The following ELMO1 variants were observed in gnomAD, a reference collection of about 807,000 sequenced individuals.
ELMO1 encodes engulfment and cell motility protein 1.
Under a neutral mutation model 98.9 loss-of-function variants are expected in ELMO1, and 26 were observed. The ratio of observed to expected loss-of-function variants is 0.26; its 90% confidence interval spans 0.19 to 0.36. The LOEUF is 0.36. Ranked by LOEUF, ELMO1 falls within the 10% of genes least tolerant of loss-of-function variation. The pLI is 1.00. For synonymous variants in ELMO1, 346 were observed against 346.0 expected, an observed-to-expected ratio of 1.00 and a Z score of 0.00; for missense variants, 627 against 935.2, an observed-to-expected ratio of 0.67 and a Z score of 4.30.
intron 15 of ELMO1, among the ~76,000 whole-genome samples, chr7:37,071,961 A>T (rs1797295691): frequency 6.6e-6 from 1 of 152,194 alleles, no homozygotes. Context: ...AAGGTTCAGG[A>T]GAGCTCTTCA....
intron 16 of ELMO1, among the ~76,000 whole-genome samples, chr7:36,951,696 T>A (rs548626311): frequency 6.0e-4 from 91 of 152,348 alleles, no homozygotes; most frequent in African/African-American, 2.0e-3. Context: ...CAAAATATGG[T>A]GCCCACTCCT....
chr7:37,124,658 A>G (rs1476190351), intron 14 of ELMO1, among the ~76,000 whole-genome samples: 2 of 152,238 alleles, frequency 1.3e-5, no homozygotes, highest in African/African-American at 4.8e-5. Context: ...ATGGAAGAAC[A>G]TTCCATGCTC....
At chr7:37,070,652 C>T (rs1332766155) in intron 15 of ELMO1, among the ~76,000 whole-genome samples, 1 of 152,152 alleles carries the variant, frequency 6.6e-6, no homozygotes, top group Admixed American at 6.5e-5. Context: ...CTTGTTTGGT[C>T]TGGCCATTCC....
At chr7:37,388,967 T>C (rs376740168) in intron 1 of ELMO1, among the ~76,000 whole-genome samples, 2 of 152,220 alleles carry the variant, frequency 1.3e-5, no homozygotes, top group African/African-American at 4.8e-5. Flanking sequence ...ATAATTTCCA[T>C]GTTTTTGAAG....
rs530235806 is a variant in ELMO1 at position 36,912,928 on chromosome 7, G to A, written c.1438-17911C>T. Among the ~76,000 whole-genome samples the A allele has an allele frequency of 1.2e-4, 19 of 152,248 alleles. No individual in the cohort carries two copies. In the South Asian group the frequency reaches 1.5e-3, roughly 12 times the overall value. Reference sequence around the variant, plus strand: ...CTGTTTTTCTGTATATGTATGGCACGTATCACTTCTACCTCCCACTATAAA... The same window carrying A: ...CTGTTTTTCTGTATATGTATGGCACATATCACTTCTACCTCCCACTATAAA... On this transcript the variant is annotated intron_variant, in intron 16 of 21. Coordinates refer to ENST00000310758, the MANE Select transcript of ELMO1 (RefSeq NM_014800.11).
At chr7:37,146,373 C>T (rs1306632187) in intron 13 of ELMO1, among the ~76,000 whole-genome samples, 1 of 152,206 alleles carries the variant, frequency 6.6e-6, no homozygotes, top group Non-Finnish European at 1.5e-5. Flanking sequence ...TCCAAAGCCA[C>T]ATTAACCAAA....
intron 2 of ELMO1, among the ~76,000 whole-genome samples, chr7:37,331,359 A>ATTTTTTTTTTTTTTTTTTTTTTTTTT: frequency 1.2e-5 from 1 of 81,438 alleles, no homozygotes; most frequent in Non-Finnish European, 2.3e-5. Context: ...TTTTTTTGGA[A>ATTTTTTTTTTTTTTTTTTTTTTTTTT]TTTTAGTAGA....
chr7:37,309,505 G>A (rs1410512228), intron 4 of ELMO1, among the ~76,000 whole-genome samples: 1 of 152,230 alleles, frequency 6.6e-6, no homozygotes, highest in Non-Finnish European at 1.5e-5. Flanking sequence ...CTGCTGGTGT[G>A]TCTTGCTGAG....
At chr7:37,395,072 T>C (rs1025940813) in intron 1 of ELMO1, among the ~76,000 whole-genome samples, 1 of 151,716 alleles carries the variant, frequency 6.6e-6, no homozygotes, top group Non-Finnish European at 1.5e-5. Flanking sequence ...GTTTTAAGAG[T>C]TGCTCATCCC....
intron 15 of ELMO1, among the ~76,000 whole-genome samples, chr7:37,096,402 T>G (rs924613486): frequency 6.6e-6 from 1 of 152,214 alleles, no homozygotes; most frequent in Non-Finnish European, 1.5e-5. Flanking sequence ...ATCTGCAAAT[T>G]TCTCCATTCC....
chr7:36,910,935 C>T (rs573772531), intron 16 of ELMO1, among the ~76,000 whole-genome samples: 1 of 152,108 alleles, frequency 6.6e-6, no homozygotes, highest in Non-Finnish European at 1.5e-5. Context: ...CTTGGACATC[C>T]TTATAACTTC....
intron 7 of ELMO1, 25 bp downstream of exon 7, chr7:37,244,331 A>T: frequency 6.2e-7 from 1 of 1,611,238 alleles, no homozygotes. Flanking sequence ...TAAATCATCA[A>T]TATCAATCGA....
At chr7:37,057,143 T>C (rs564093535) in intron 15 of ELMO1, among the ~76,000 whole-genome samples, 1 of 152,318 alleles carries the variant, frequency 6.6e-6, no homozygotes, top group South Asian at 2.1e-4. Context: ...CTAATCATTT[T>C]GTGGGAAATT....
Position 37,204,411 on chromosome 7 carries a change from G to T in ELMO1, c.1086+6975C>A, listed in dbSNP as rs944971524. The T allele has an allele frequency of 3.9e-4, 135 of 342,096 alleles. 3 individuals are homozygous for T. Among genetic ancestry groups the T allele is most frequent in the South Asian group, 3.0e-3 (132 of 44,322 alleles). The allele number at this position is 342,096 out of a possible 1,614,324, so 21.2% of individuals were successfully genotyped here. On this transcript the variant is annotated intron_variant, in intron 13 of 21. Coordinates refer to ENST00000310758, the MANE Select transcript of ELMO1 (RefSeq NM_014800.11). ...TCATAAAGGCGGCATGTCTGGAGTT[G>T]TTCATTCCTCCTGGTGGGTTCCTGG...
rs10669717 is a variant in ELMO1 at position 37,328,383 on chromosome 7, C to CAAAAAAAAAAA, written c.79-12434_79-12424dup. Among the ~76,000 whole-genome samples, 62 of 64,838 alleles carry CAAAAAAAAAAA rather than the reference C, an allele frequency of 9.6e-4. 3 individuals are homozygous for CAAAAAAAAAAA. The highest frequency in any genetic ancestry group is 1.3e-3 in the Non-Finnish European group (47 of 35,044). The allele number at this position is 64,838 out of a possible 152,430, so 42.5% of individuals were successfully genotyped here. ...TGGGCAACATAGGGAGACCCTGCCA[C>CAAAAAAAAAAA]AAAAAAAAAAAAAAAAAAAAAAAAA... On this transcript the variant is annotated intron_variant, in intron 2 of 21. Coordinates refer to ENST00000310758, the MANE Select transcript of ELMO1 (RefSeq NM_014800.11).
chr7:37,208,092 C>A lies in ELMO1; in HGVS notation c.1086+3294G>T, dbSNP rs568725043. Reference sequence around the variant, plus strand: ...CTTGTTGGCGCAATGGCCACTTTTACCTTGGAAAACTTAAAAGGCTGCAGA... The same window carrying A: ...CTTGTTGGCGCAATGGCCACTTTTAACTTGGAAAACTTAAAAGGCTGCAGA... On this transcript the variant is annotated intron_variant, in intron 13 of 21. Coordinates refer to ENST00000310758, the MANE Select transcript of ELMO1 (RefSeq NM_014800.11). 2.0e-4 allele frequency among the ~76,000 whole-genome samples: 30 copies of A among 152,290 alleles called. No individual in the cohort carries two copies. The South Asian group carries it at 6.0e-3, about 30-fold the overall frequency.
chr7:37,046,084 A>C (rs959272678), intron 15 of ELMO1, among the ~76,000 whole-genome samples: 2 of 152,134 alleles, frequency 1.3e-5, no homozygotes, highest in Admixed American at 1.3e-4. Context: ...TAATCACCAT[A>C]TCCACCTTTA....
At chr7:37,429,508 C>T (rs1804843947) in intron 1 of ELMO1, 1 of 152,272 alleles carries the variant, frequency 6.6e-6, no homozygotes, top group Admixed American at 6.5e-5. Context: ...TTTCACCACT[C>T]TCCCATCTGG....
intron 14 of ELMO1, among the ~76,000 whole-genome samples, chr7:37,126,981 T>C (rs2129293685): frequency 6.6e-6 from 1 of 152,326 alleles, no homozygotes; most frequent in East Asian, 1.9e-4. Flanking sequence ...TGCATTCGGA[T>C]TTTATTGTTG....
Sources: allele counts gnomAD v4.1 joint callset (sites outside exome capture counted in the v4.1 genomes callset), GRCh38; gene constraint gnomAD v4.1.1; transcripts MANE v1.5; gene names NCBI Gene and HGNC (gene_info 2026-07-23, HGNC 2026-07-21).